PRUNE1: variants seen among roughly 807,000 people sequenced by gnomAD.
The protein encoded by PRUNE1 is prune exopolyphosphatase 1.
PRUNE1 carries 25 observed loss-of-function variants against 42.5 expected under a neutral mutation model. The ratio of observed to expected loss-of-function variants is 0.59; its 90% confidence interval spans 0.43 to 0.82. PRUNE1 has a LOEUF of 0.82. Ranked by LOEUF, PRUNE1 falls within the 40% of genes least tolerant of loss-of-function variation. PRUNE1 has a pLI of 0.00. For synonymous variants in PRUNE1, 203 were observed against 217.1 expected (o/e 0.93, Z 0.57); for missense variants, 443 against 539.3 (o/e 0.82, Z 1.77).
At chr1:151,020,906 C>T (rs192620783) in intron 3 of PRUNE1, among the ~76,000 whole-genome samples, 9 of 151,480 alleles carry the variant, frequency 5.9e-5, no homozygotes, top group Middle Eastern at 3.2e-3. Flanking sequence ...GGCATGAACC[C>T]GGGAGGCGGA....
chr1:151,013,852 G>A (rs1394549218), intron 1 of PRUNE1, among the ~76,000 whole-genome samples: 1 of 152,182 alleles, frequency 6.6e-6, no homozygotes, highest in East Asian at 1.9e-4. Context: ...CTGGTATCAG[G>A]AGGAGGAATT....
chr1:151,018,692 G>T, intron 3 of PRUNE1, 23 bp downstream of exon 3: 1 of 1,598,910 alleles, frequency 6.3e-7, no homozygotes, highest in African/African-American at 1.3e-5. Context: ...AAATTAAATT[G>T]CTACCTATCA....
intron 3 of PRUNE1, among the ~76,000 whole-genome samples, chr1:151,020,246 T>TA (rs1437309023): frequency 6.8e-6 from 1 of 147,782 alleles, no homozygotes; most frequent in Admixed American, 6.8e-5. Flanking sequence ...AAAAAAATAA[T>TA]AAATACAAAA....
chr1:151,034,238 T>C lies in PRUNE1; in HGVS notation c.*4T>C. On this transcript the variant is annotated 3_prime_UTR_variant, in exon 8 of 8. Coordinates refer to ENST00000271620, the MANE Select transcript of PRUNE1 (RefSeq NM_021222.3). ...AGCCTCCCTGTCCAAGAAGTGACTG[T>C]TGAGAGGCGAGGAGGTAGTGGGTGA... The C allele has an allele frequency of 1.2e-6, 2 of 1,602,908 alleles. No homozygotes were observed. Among genetic ancestry groups the C allele is most frequent in the Non-Finnish European group, 1.7e-6 (2 of 1,171,612 alleles).
At chr1:151,016,616 C>T (rs1022242416) in intron 1 of PRUNE1, among the ~76,000 whole-genome samples, 11 of 152,086 alleles carry the variant, frequency 7.2e-5, no homozygotes, top group Middle Eastern at 6.8e-3. Flanking sequence ...ATTCTCCTGT[C>T]TCAGCCTCCT....
intron 1 of PRUNE1, among the ~76,000 whole-genome samples, chr1:151,013,510 T>A (rs1329382112): frequency 6.6e-6 from 1 of 152,194 alleles, no homozygotes; most frequent in Non-Finnish European, 1.5e-5. Flanking sequence ...AGCATTCTCT[T>A]CATGGTAAGG....
At chr1:151,012,667 G>T (rs1673846410) in intron 1 of PRUNE1, among the ~76,000 whole-genome samples, 2 of 152,198 alleles carry the variant, frequency 1.3e-5, no homozygotes. Context: ...AAAGAAAGAA[G>T]ATGGGAGATC....
At chr1:151,008,806 T>G in intron 1 of PRUNE1, 135 bp downstream of exon 1, 1 of 1,124,050 alleles carries the variant, frequency 8.9e-7, no homozygotes, top group Non-Finnish European at 1.3e-6. Context: ...TGGGGCCTGA[T>G]CAGTTTTGGG....
intron 4 of PRUNE1, 92 bp downstream of exon 4, chr1:151,024,887 A>G (rs769201863): frequency 2.3e-6 from 3 of 1,330,254 alleles, no homozygotes; most frequent in South Asian, 1.4e-5. Context: ...CAGCCTAACC[A>G]TATGCTCTCA....
chr1:151,024,534 G>T, intron 3 of PRUNE1, 77 bp from the exon 4 acceptor site: 1 of 1,353,100 alleles, frequency 7.4e-7, no homozygotes, highest in Non-Finnish European at 1.0e-6. Flanking sequence ...TGATGTGTGG[G>T]GTAGAGGTTG....
At chr1:151,027,584 A>AATTTTT (rs112331762) in intron 6 of PRUNE1, among the ~76,000 whole-genome samples, 4 of 134,998 alleles carry the variant, frequency 3.0e-5, no homozygotes, top group African/African-American at 1.1e-4. Context: ...GTCTTTTTTA[A>AATTTTT]TTTTTTTTTT....
intron 1 of PRUNE1, among the ~76,000 whole-genome samples, chr1:151,009,326 A>G (rs894367912): frequency 6.6e-6 from 1 of 152,242 alleles, no homozygotes; most frequent in South Asian, 2.1e-4. Context: ...GCCTTAACGC[A>G]CACAAATGAC....
intron 7 of PRUNE1, among the ~76,000 whole-genome samples, chr1:151,029,374 T>G (rs1378433438): frequency 1.3e-4 from 18 of 135,390 alleles, no homozygotes; most frequent in Non-Finnish European, 2.6e-4. Flanking sequence ...AGTTTTTTTT[T>G]TTTTTTTTTT....
chr1:151,033,649 C>T (rs1675382344), intron 7 of PRUNE1, among the ~76,000 whole-genome samples, 157 bp from the exon 8 acceptor site: 2 of 151,998 alleles, frequency 1.3e-5, no homozygotes, highest in South Asian at 4.1e-4. Flanking sequence ...CTCGGCCTCC[C>T]AAAGTGCTGG....
intron 3 of PRUNE1, among the ~76,000 whole-genome samples, chr1:151,020,839 G>C (rs772738289): frequency 6.6e-6 from 1 of 151,810 alleles, no homozygotes; most frequent in African/African-American, 2.4e-5. Flanking sequence ...AAAATTAGCC[G>C]GGCATGGTGG....
chr1:151,023,409 T>A (rs1159468188), intron 3 of PRUNE1, among the ~76,000 whole-genome samples: 1 of 152,112 alleles, frequency 6.6e-6, no homozygotes, highest in East Asian at 1.9e-4. Context: ...AATCTAAGTA[T>A]TGAGTGGGTT....
chr1:151,025,344 G>T (rs1196523259), intron 4 of PRUNE1, among the ~76,000 whole-genome samples, 171 bp from the exon 5 acceptor site: 1 of 152,102 alleles, frequency 6.6e-6, no homozygotes, highest in Non-Finnish European at 1.5e-5. Context: ...TTTTAGTTTG[G>T]ATTTGGGAGG....
chr1:151,033,211 A>G (rs1240812700), intron 7 of PRUNE1, among the ~76,000 whole-genome samples: 4 of 147,880 alleles, frequency 2.7e-5, no homozygotes, highest in South Asian at 2.2e-4. Context: ...TCAGCCTCCC[A>G]AGTAGCTGGG....
In PRUNE1 at chr1:151,018,668, A is replaced by C. The variant is rs370959674; in HGVS notation, c.334A>C (p.Lys112Gln). The change falls in exon 3 of 8, where the codon AAA (lysine) becomes CAA (glutamine). Residue 112 changes from lysine to glutamine, a missense_variant and splice_region_variant. Lys to Gln is a moderately conservative substitution (Grantham distance 53). Coordinates refer to ENST00000271620, the MANE Select transcript of PRUNE1 (RefSeq NM_021222.3). ...LILVDHHILSKSDTALEEAVA... is the reference protein window; with the variant it reads ...LILVDHHILSQSDTALEEAVA... ...CCTTGTCGACCATCATATCTTATCCAAGTAAGCACAAGGAAATTAAATTGC... is the reference window on the plus strand; with the variant it reads ...CCTTGTCGACCATCATATCTTATCCCAGTAAGCACAAGGAAATTAAATTGC... 5.0e-6 allele frequency: 8 copies of C among 1,612,552 alleles called. No individual in the cohort carries two copies. Among genetic ancestry groups the C allele is most frequent in the Non-Finnish European group, 6.8e-6 (8 of 1,178,724 alleles).
Sources: allele counts gnomAD v4.1 joint callset (sites outside exome capture counted in the v4.1 genomes callset), GRCh38; gene constraint gnomAD v4.1.1; transcripts MANE v1.5; gene names NCBI Gene and HGNC (gene_info 2026-07-23, HGNC 2026-07-21).